Variants in BMAL1 observed in about 807,000 individuals in gnomAD.
The protein encoded by BMAL1 is basic helix-loop-helix ARNT-like protein 1.
At chr11:13,326,167 G>C in the BMAL1 span, among the ~76,000 whole-genome samples, 5 of 150,212 alleles carry the variant, frequency 3.3e-5, no homozygotes, top group African/African-American at 9.8e-5. Flanking sequence ...TCATGCCACC[G>C]CACTCCAGCC....
the BMAL1 span, among the ~76,000 whole-genome samples, chr11:13,350,273 G>A: frequency 2.6e-5 from 4 of 152,190 alleles, no homozygotes; most frequent in Non-Finnish European, 4.4e-5. Flanking sequence ...GCCCAAGGGG[G>A]CCAGGGCTCC....
the BMAL1 span, chr11:13,374,113 A>G: frequency 5.6e-6 from 9 of 1,613,514 alleles, no homozygotes; most frequent in African/African-American, 9.3e-5. Flanking sequence ...CTATTTTGGC[A>G]TATTTACCAC....
the BMAL1 span, among the ~76,000 whole-genome samples, chr11:13,327,756 A>G: frequency 6.6e-6 from 1 of 151,552 alleles, no homozygotes; most frequent in Non-Finnish European, 1.5e-5. Flanking sequence ...GGCAACAGAA[A>G]GGGTTGGTGA....
At chr11:13,340,550 T>A in the BMAL1 span, among the ~76,000 whole-genome samples, 2 of 152,180 alleles carry the variant, frequency 1.3e-5, no homozygotes, top group South Asian at 4.1e-4. Context: ...TTTGGAGTCC[T>A]CAATGCTTCC....
chr11:13,377,509 A>G, the BMAL1 span, among the ~76,000 whole-genome samples: 6 of 152,174 alleles, frequency 3.9e-5, no homozygotes, highest in African/African-American at 1.4e-4. Context: ...GATTATTGCA[A>G]ATCACTTCGC....
the BMAL1 span, among the ~76,000 whole-genome samples, chr11:13,304,855 C>T: frequency 2.0e-5 from 3 of 152,310 alleles, no homozygotes; most frequent in Admixed American, 1.3e-4. Flanking sequence ...ATGCTGCCAG[C>T]GGTCCGGTTG....
chr11:13,369,482 C>A, the BMAL1 span: 1 of 1,023,972 alleles, frequency 9.8e-7, no homozygotes, highest in Non-Finnish European at 1.5e-6. Flanking sequence ...AAAGCCTAAA[C>A]TTGGGAGATA....
the BMAL1 span, among the ~76,000 whole-genome samples, chr11:13,371,428 C>T: frequency 6.6e-6 from 1 of 152,188 alleles, no homozygotes; most frequent in African/African-American, 2.4e-5. Flanking sequence ...TGCTTTCTTT[C>T]TCTGCTCCCT....
At chr11:13,362,023 C>T in the BMAL1 span, among the ~76,000 whole-genome samples, 1 of 152,166 alleles carries the variant, frequency 6.6e-6, no homozygotes, top group East Asian at 1.9e-4. Context: ...ATAGATTTTC[C>T]AGCCTCCCTG....
chr11:13,356,902 C>T, the BMAL1 span: 10 of 1,588,220 alleles, frequency 6.3e-6, no homozygotes, highest in Non-Finnish European at 8.6e-6. Flanking sequence ...AGGCCGTGAG[C>T]CTGTGGGCGC....
chr11:13,318,393 G>A, the BMAL1 span, among the ~76,000 whole-genome samples: 1 of 152,042 alleles, frequency 6.6e-6, no homozygotes, highest in Non-Finnish European at 1.5e-5. Flanking sequence ...TTTTTAAAAA[G>A]TGTTCAGCAA....
chr11:13,299,792 A>G, the BMAL1 span, among the ~76,000 whole-genome samples: 2 of 152,134 alleles, frequency 1.3e-5, no homozygotes, highest in East Asian at 3.9e-4. Flanking sequence ...TGAGGTGCCC[A>G]GTTTCTTGGT....
chr11:13,310,476 A>G, the BMAL1 span, among the ~76,000 whole-genome samples: 1 of 152,208 alleles, frequency 6.6e-6, no homozygotes, highest in African/African-American at 2.4e-5. Context: ...GAAAGGAGTC[A>G]CGGGCAAGAA....
chr11:13,378,517 A>G, the BMAL1 span: 2 of 1,547,442 alleles, frequency 1.3e-6, no homozygotes, highest in African/African-American at 1.4e-5. Context: ...CCCCCAGGCA[A>G]TATTTTGCAA....
chr11:13,324,208 TCTTTTAAAAA>T, the BMAL1 span, among the ~76,000 whole-genome samples: 8 of 152,232 alleles, frequency 5.3e-5, no homozygotes, highest in South Asian at 1.7e-3. Flanking sequence ...GGCAAAGAGG[TCTTTTAAAAA>T]GCAAATTTGT....
the BMAL1 span, among the ~76,000 whole-genome samples, chr11:13,315,098 G>T: frequency 2.0e-5 from 3 of 152,236 alleles, no homozygotes; most frequent in Non-Finnish European, 4.4e-5. Context: ...ATCTAGGAAA[G>T]CTTTTCAGAA....
the BMAL1 span, among the ~76,000 whole-genome samples, chr11:13,290,881 T>C: frequency 6.6e-6 from 1 of 152,166 alleles, no homozygotes; most frequent in Non-Finnish European, 1.5e-5. Flanking sequence ...TCTCTGGTTT[T>C]GAGGTTTCTG....
At chr11:13,289,761 T>C in the BMAL1 span, among the ~76,000 whole-genome samples, 1 of 152,244 alleles carries the variant, frequency 6.6e-6, no homozygotes, top group Non-Finnish European at 1.5e-5. Context: ...GTGTGCCACA[T>C]TTTCTTAATC....
chr11:13,329,932 G>T, the BMAL1 span, among the ~76,000 whole-genome samples: 1 of 152,246 alleles, frequency 6.6e-6, no homozygotes, highest in East Asian at 1.9e-4. Context: ...ACCTTGATTT[G>T]CTCAGTGCAA....
Sources: allele counts gnomAD v4.1 joint callset (sites outside exome capture counted in the v4.1 genomes callset), GRCh38; gene constraint gnomAD v4.1.1; transcripts MANE v1.5; gene names NCBI Gene and HGNC (gene_info 2026-07-23, HGNC 2026-07-21).